LDB2: variants seen among roughly 807,000 people sequenced by gnomAD.
LDB2 encodes LIM domain-binding protein 2.
In LDB2, 12 loss-of-function variants were observed where a neutral mutation model predicts 44.3. The observed-to-expected ratio is 0.27, with a 90% CI of 0.17 to 0.44. The LOEUF is 0.44. Among genes scored for constraint, LDB2 ranks in the 20% least tolerant of loss-of-function variants. The probability of loss-of-function intolerance (pLI) is 1.00; values close to 1 mark genes in which losing one functional copy is unlikely to be tolerated. For missense variants in LDB2, 344 were observed against 473.5 expected (o/e 0.73, Z 2.54); for synonymous variants, 164 against 174.8 (o/e 0.94, Z 0.49).
chr4:16,511,812 G>C, intron 6 of LDB2, 169 bp downstream of exon 6: 1 of 680,986 alleles, frequency 1.5e-6, no homozygotes, highest in Non-Finnish European at 2.3e-6. Context: ...AAGGATGTTT[G>C]CCTGTCACAA....
rs563127559 is a variant in LDB2 at position 16,715,771 on chromosome 4, G to A, written c.235+43387C>T. ...ATCTCCTCAACTTAATTTTTTTGGT[G>A]TATGGGGAAGTCACTAGTATTCAAC... On this transcript the variant is annotated intron_variant, in intron 2 of 7. Transcript: ENST00000304523. Among the ~76,000 whole-genome samples, 44 of 152,194 alleles carry A rather than the reference G, an allele frequency of 2.9e-4. No individual in the cohort carries two copies. In the South Asian group the frequency reaches 6.0e-3, roughly 21 times the overall value.
At chr4:16,593,831 G>A (rs1031400031) in intron 3 of LDB2, among the ~76,000 whole-genome samples, 9 of 152,134 alleles carry the variant, frequency 5.9e-5, no homozygotes, top group African/African-American at 2.2e-4. Flanking sequence ...GAAAACCTTA[G>A]TTTCTGGATT....
chr4:16,712,397 T>C (rs283034), intron 2 of LDB2, among the ~76,000 whole-genome samples: 77,146 of 151,586 alleles, frequency 0.51, 19,889 homozygotes, highest in East Asian at 0.78. Context: ...ACTAAAAATT[T>C]GAAAATTAGC....
intron 2 of LDB2, among the ~76,000 whole-genome samples, chr4:16,724,562 T>C (rs758893016): frequency 6.6e-6 from 1 of 152,052 alleles, no homozygotes; most frequent in African/African-American, 2.4e-5. Context: ...AAGTTACCCT[T>C]AACTGGGCTA....
intron 1 of LDB2, among the ~76,000 whole-genome samples, chr4:16,883,321 T>G (rs538784940): frequency 6.6e-6 from 1 of 152,204 alleles, no homozygotes; most frequent in Non-Finnish European, 1.5e-5. Context: ...TTGGTGTTCA[T>G]AGCTCATCTA....
At chr4:16,766,540 C>A (rs1235643144) in intron 1 of LDB2, among the ~76,000 whole-genome samples, 4 of 144,044 alleles carry the variant, frequency 2.8e-5, no homozygotes, top group African/African-American at 7.8e-5. Flanking sequence ...GAATCTCGCT[C>A]TGTCACCGAG....
At chr4:16,577,065 A>T (rs141405557) in intron 5 of LDB2, among the ~76,000 whole-genome samples, 49 of 152,298 alleles carry the variant, frequency 3.2e-4, no homozygotes, top group African/African-American at 1.2e-3. Context: ...AATACTGGGT[A>T]TGGAGGAACA....
At chr4:16,855,358 A>C (rs1789148601) in intron 1 of LDB2, among the ~76,000 whole-genome samples, 2 of 152,140 alleles carry the variant, frequency 1.3e-5, no homozygotes, top group Admixed American at 1.3e-4. Context: ...AAGAAGTACA[A>C]ATTATAAATT....
chr4:16,516,917 A>G (rs940965008), intron 5 of LDB2, among the ~76,000 whole-genome samples: 2 of 152,154 alleles, frequency 1.3e-5, no homozygotes, highest in African/African-American at 4.8e-5. Context: ...CCCCTTATTC[A>G]TGTATGCAAA....
chr4:16,834,477 A>G (rs1340655045), intron 1 of LDB2, among the ~76,000 whole-genome samples: 1 of 152,202 alleles, frequency 6.6e-6, no homozygotes, highest in East Asian at 1.9e-4. Flanking sequence ...ACAGAATTCC[A>G]TCAGTGATAG....
chr4:16,613,585 T>C (rs1726269996), intron 2 of LDB2, among the ~76,000 whole-genome samples: 2 of 152,078 alleles, frequency 1.3e-5, no homozygotes, highest in East Asian at 1.9e-4. Context: ...GGATACAAAA[T>C]CAATGTGCAA....
chr4:16,574,171 G>A (rs543764732), intron 5 of LDB2, among the ~76,000 whole-genome samples: 1 of 152,186 alleles, frequency 6.6e-6, no homozygotes, highest in South Asian at 2.1e-4. Flanking sequence ...CATTCACTTG[G>A]GAAATTAAAG....
chr4:16,745,321 A>G (rs1392236637), intron 2 of LDB2, among the ~76,000 whole-genome samples: 5 of 152,222 alleles, frequency 3.3e-5, no homozygotes, highest in African/African-American at 9.6e-5. Context: ...AGAGACCCAG[A>G]GCCCAGGCGG....
At chr4:16,597,299 TG>T (rs1721248941) in intron 2 of LDB2, among the ~76,000 whole-genome samples, 1 of 152,160 alleles carries the variant, frequency 6.6e-6, no homozygotes, top group African/African-American at 2.4e-5. Context: ...AGTCAACAAG[TG>T]TCTGCTAAAT....
At chr4:16,886,927 T>G (rs890542510) in intron 1 of LDB2, among the ~76,000 whole-genome samples, 1 of 147,780 alleles carries the variant, frequency 6.8e-6, no homozygotes. Flanking sequence ...CAGCTACTCG[T>G]GAGGCTGAGG....
intron 2 of LDB2, among the ~76,000 whole-genome samples, chr4:16,749,202 C>T (rs1041584888): frequency 1.2e-4 from 18 of 151,008 alleles, no homozygotes; most frequent in African/African-American, 4.5e-4. Context: ...CTAGCAATCT[C>T]ATGGTCCAAA....
At chr4:16,854,276 A>G (rs1181788678) in intron 1 of LDB2, among the ~76,000 whole-genome samples, 5 of 152,218 alleles carry the variant, frequency 3.3e-5, no homozygotes, top group East Asian at 1.9e-4. Context: ...AATATACACA[A>G]TAAAGTTTAC....
chr4:16,544,218 G>A (rs1371365199), intron 5 of LDB2, among the ~76,000 whole-genome samples: 2 of 152,206 alleles, frequency 1.3e-5, no homozygotes, highest in African/African-American at 4.8e-5. Context: ...AAAGACGGGA[G>A]AGGAGAGAAC....
At chr4:16,894,065 T>C (rs922413961) in intron 1 of LDB2, among the ~76,000 whole-genome samples, 3 of 152,102 alleles carry the variant, frequency 2.0e-5, no homozygotes, top group Non-Finnish European at 4.4e-5. Context: ...GACCTAAAAA[T>C]GAAAAAATAC....
Sources: allele counts gnomAD v4.1 joint callset (sites outside exome capture counted in the v4.1 genomes callset), GRCh38; gene constraint gnomAD v4.1.1; transcripts MANE v1.5; gene names NCBI Gene and HGNC (gene_info 2026-07-23, HGNC 2026-07-21).